Variants in PDILT observed in about 807,000 individuals in gnomAD.
PDILT encodes the protein protein disulfide-isomerase-like protein of the testis.
Under a neutral mutation model 53.7 loss-of-function variants are expected in PDILT, and 43 were observed. The observed-to-expected ratio is 0.80, with a 90% CI of 0.63 to 1.03. PDILT has a LOEUF of 1.03. PDILT is among the 50% of genes least tolerant of loss of function. The probability of loss-of-function intolerance (pLI) is 0.00; values close to 1 mark genes in which losing one functional copy is unlikely to be tolerated. For synonymous variants in PDILT, 282 were observed against 274.2 expected, an observed-to-expected ratio of 1.03 and a Z score of -0.28; for missense variants, 727 against 712.3, an observed-to-expected ratio of 1.02 and a Z score of -0.24.
At chr16:20,403,611 A>T (rs1330000163) in intron 1 of PDILT, among the ~76,000 whole-genome samples, 1 of 151,872 alleles carries the variant, frequency 6.6e-6, no homozygotes, top group African/African-American at 2.4e-5. Context: ...TCGACACAGG[A>T]ATTCCATCAC....
intron 3 of PDILT, among the ~76,000 whole-genome samples, chr16:20,384,018 C>T (rs1966496353): frequency 6.6e-6 from 1 of 152,128 alleles, no homozygotes; most frequent in South Asian, 2.1e-4. Context: ...TATGATAGAA[C>T]GTAAGGTGTT....
chr16:20,370,217 T>C (rs1197661781), intron 7 of PDILT, among the ~76,000 whole-genome samples: 1 of 152,212 alleles, frequency 6.6e-6, no homozygotes, highest in Admixed American at 6.5e-5. Context: ...TACTCAGCAC[T>C]GAGGACACAA....
rs544881624 is a variant in PDILT, at chr16:20,371,684, C to T, written c.918+1118G>A. ...TAGAACTTCATCTTCTGATGTAAGC[C>T]AAAATAAATACCAGGGAGATTGAAG... On this transcript the variant is annotated intron_variant, in intron 7 of 11. Coordinates refer to ENST00000302451, the MANE Select transcript of PDILT (RefSeq NM_174924.2). Among the ~76,000 whole-genome samples, 19 of 151,742 alleles carry T rather than the reference C, an allele frequency of 1.3e-4. No individual in the cohort carries two copies. The South Asian group carries it at 4.0e-3, about 32-fold the overall frequency.
At chr16:20,379,599 G>A (rs1317850236) in intron 3 of PDILT, among the ~76,000 whole-genome samples, 2 of 152,208 alleles carry the variant, frequency 1.3e-5, no homozygotes, top group African/African-American at 2.4e-5. Flanking sequence ...CCAGGCATGA[G>A]TCACCATGCC....
intron 2 of PDILT, among the ~76,000 whole-genome samples, chr16:20,395,514 C>G (rs914942192): frequency 1.3e-5 from 2 of 152,190 alleles, no homozygotes; most frequent in African/African-American, 2.4e-5. Flanking sequence ...AGCCTTGTCC[C>G]TGACACTGTG....
chr16:20,395,747 G>A (rs1031289327), intron 2 of PDILT, among the ~76,000 whole-genome samples: 1 of 152,166 alleles, frequency 6.6e-6, no homozygotes, highest in Non-Finnish European at 1.5e-5. Context: ...TAACGAGTGA[G>A]TTCTCACTCT....
At chr16:20,386,811 C>G (rs746299162) in intron 2 of PDILT, among the ~76,000 whole-genome samples, 82 of 152,236 alleles carry the variant, frequency 5.4e-4, no homozygotes, top group Non-Finnish European at 9.6e-4. Context: ...TGTGGCCATG[C>G]TGGGCTCAGG....
chr16:20,403,374 C>G (rs1567334753), intron 1 of PDILT, among the ~76,000 whole-genome samples: 2 of 152,194 alleles, frequency 1.3e-5, no homozygotes, highest in African/African-American at 4.8e-5. Context: ...ACTGCAGCCT[C>G]CGCCTCCTGG....
intron 7 of PDILT, 99 bp downstream of exon 7, chr16:20,372,703 T>C: frequency 7.2e-7 from 1 of 1,393,970 alleles, no homozygotes; most frequent in East Asian, 2.3e-5. Context: ...TCTTTCCTGA[T>C]TCAATTTATA....
At chr16:20,394,656 A>G (rs879873750) in intron 2 of PDILT, among the ~76,000 whole-genome samples, 18 of 152,248 alleles carry the variant, frequency 1.2e-4, no homozygotes, top group Admixed American at 9.8e-4. Context: ...CTGCATTTCT[A>G]TGAGCTCCTG....
chr16:20,393,879 T>C (rs1360868252), intron 2 of PDILT, among the ~76,000 whole-genome samples: 1 of 152,190 alleles, frequency 6.6e-6, no homozygotes, highest in Non-Finnish European at 1.5e-5. Context: ...AGCTTCCAGG[T>C]CTTCTGATTT....
intron 1 of PDILT, among the ~76,000 whole-genome samples, chr16:20,402,393 G>A (rs7205698): frequency 0.01 from 1,576 of 152,226 alleles, 22 homozygotes; most frequent in African/African-American, 0.036. Flanking sequence ...GCGTCTCCCT[G>A]GTTCAAAGGA....
intron 9 of PDILT, among the ~76,000 whole-genome samples, chr16:20,363,277 C>A (rs112329249): frequency 6.6e-6 from 1 of 152,096 alleles, no homozygotes; most frequent in African/African-American, 2.4e-5. Flanking sequence ...CTCAAGAGAT[C>A]CTTCCATCTC....
At chr16:20,390,345 A>T (rs2141616127) in intron 2 of PDILT, among the ~76,000 whole-genome samples, 1 of 152,180 alleles carries the variant, frequency 6.6e-6, no homozygotes, top group East Asian at 1.9e-4. Flanking sequence ...AAATGGGCAC[A>T]ATCTCCCTCA....
intron 9 of PDILT, among the ~76,000 whole-genome samples, chr16:20,364,697 A>G (rs928831449): frequency 5.9e-5 from 9 of 152,202 alleles, no homozygotes; most frequent in African/African-American, 2.2e-4. Context: ...CCACGTGCAA[A>G]TCAGAAACAA....
At chr16:20,359,963 G>A (rs979025924) in intron 11 of PDILT, among the ~76,000 whole-genome samples, 3 of 152,200 alleles carry the variant, frequency 2.0e-5, no homozygotes, top group African/African-American at 7.2e-5. Flanking sequence ...TGATAGTTTG[G>A]AGCTGTGGTG....
chr16:20,373,468 T>C (rs1366939769), intron 5 of PDILT, among the ~76,000 whole-genome samples: 1 of 152,218 alleles, frequency 6.6e-6, no homozygotes, highest in Non-Finnish European at 1.5e-5. Context: ...CAACTAATGA[T>C]TGACGGCTCA....
intron 11 of PDILT, 109 bp downstream of exon 11, chr16:20,360,459 A>C (rs533262896): frequency 9.6e-7 from 1 of 1,041,996 alleles, no homozygotes; most frequent in African/African-American, 1.6e-5. Context: ...TCCATCCTCA[A>C]CCATCTCCCA....
In PDILT at chr16:20,376,223, T is replaced by C. The variant is rs200802051; in HGVS notation, c.410-22A>G. The C allele has an allele frequency of 1.1e-5, 17 of 1,613,250 alleles. No homozygotes were observed. In the East Asian group the frequency reaches 3.3e-4, roughly 32 times the overall value. ...ACTCCTGGAGAAAGACACAGTCAAA[T>C]AGATACCAGAGAAGTTTCCTCTTGA... On this transcript the variant is annotated intron_variant, in intron 3 of 11. Transcript: ENST00000302451.
Sources: gnomAD v4.1 joint callset for allele counts (sites outside exome capture counted in the v4.1 genomes callset) on GRCh38, gnomAD v4.1.1 for gene constraint, MANE v1.5 for transcripts, NCBI Gene and HGNC (gene_info 2026-07-23, HGNC 2026-07-21) for gene names.